The following ALAD variants were observed in gnomAD, a reference collection of about 807,000 sequenced individuals.
ALAD encodes the protein delta-aminolevulinic acid dehydratase.
ALAD carries 20 observed loss-of-function variants against 44.4 expected under a neutral mutation model. The ratio of observed to expected loss-of-function variants is 0.45; its 90% CI spans 0.32 to 0.65. ALAD has a LOEUF of 0.65. Among genes scored for constraint, ALAD ranks in the 30% least tolerant of loss-of-function variants. The pLI is 0.05. For synonymous variants in ALAD, 156 were observed against 167.9 expected (o/e 0.93, Z 0.55); for missense variants, 323 against 445.7 (o/e 0.72, Z 2.48).
intron 1 of ALAD, among the ~76,000 whole-genome samples, chr9:113,399,746 T>C (rs773430537): frequency 1.3e-5 from 2 of 152,128 alleles, no homozygotes; most frequent in Non-Finnish European, 2.9e-5. Context: ...CAAGTTGTAC[T>C]ATGCTGAGGA....
At chr9:113,400,548 C>T (rs532066265) in intron 1 of ALAD, among the ~76,000 whole-genome samples, 2 of 152,268 alleles carry the variant, frequency 1.3e-5, no homozygotes, top group East Asian at 1.9e-4. Context: ...TCAGGCCGGG[C>T]GTGGTGGCTC....
Position 113,391,571 on chromosome 9 carries a change from G to T in ALAD, c.217C>A (p.Leu73Ile). 6.2e-7 allele frequency: 1 copy of T among 1,614,144 alleles called. No individual in the cohort carries two copies. ...EMLRPLVEEG[L>I]RCVLIFGVPS... The stretch of plus-strand genomic sequence containing the variant: ...ACGCCAAAGATCAAGACACAGCGTA[G>T]GCCCTCTTCCACCAAGGGCCTCAGC... Residue 73 changes from leucine (L) to isoleucine (I), a missense_variant, in exon 4 of 12, where the codon CTA becomes ATA. Leu to Ile is a conservative substitution (Grantham distance 5). Transcript: ENST00000409155.
chr9:113,398,230 T>C (rs1041621442), intron 1 of ALAD: 1 of 152,222 alleles, frequency 6.6e-6, no homozygotes, highest in Non-Finnish European at 1.5e-5. Flanking sequence ...ATTGCAAGAA[T>C]TGTCCTAACT....
At chr9:113,397,226 A>G (rs1384207711) in intron 1 of ALAD, 1 of 152,396 alleles carries the variant, frequency 6.6e-6, no homozygotes, top group Middle Eastern at 3.4e-3. Flanking sequence ...CCAAAGCTGC[A>G]TTCCCGTGGC....
rs1053480026 is a variant in ALAD at position 113,388,087 on chromosome 9, G to A, written c.*213C>T. ...CTCACGGCTGACCCAGGGGAGGGGCGGGGAAGCTTGGGAGAGCTCATAGGA... is the reference window on the plus strand; with the variant it reads ...CTCACGGCTGACCCAGGGGAGGGGCAGGGAAGCTTGGGAGAGCTCATAGGA... On this transcript the variant is annotated 3_prime_UTR_variant, in exon 12 of 12. Coordinates refer to ENST00000409155, the MANE Select transcript of ALAD (RefSeq NM_000031.6). 3.3e-5 allele frequency: 20 copies of A among 614,892 alleles called. No homozygotes were observed. Among genetic ancestry groups the A allele is most frequent in the African/African-American group, 1.1e-4 (6 of 55,164 alleles). 38.1% of individuals were successfully genotyped at this position (614,892 alleles called of 1,614,324 possible). A position where few individuals can be genotyped will look rare whatever the true frequency, so the allele number is the denominator to read the frequency against.
intron 1 of ALAD, among the ~76,000 whole-genome samples, chr9:113,395,220 C>A (rs1827695426): frequency 6.6e-6 from 1 of 152,166 alleles, no homozygotes; most frequent in African/African-American, 2.4e-5. Context: ...CAAGGAGTTT[C>A]CTGGGCTCCA....
chr9:113,389,607 G>A lies in ALAD; in HGVS notation c.706C>T (p.Arg236Ter), dbSNP rs763700966. 6 of 1,614,188 alleles carry A rather than the reference G, an allele frequency of 3.7e-6. No individual in the cohort carries two copies. The highest frequency in any genetic ancestry group is 1.3e-5 in the African/African-American group (1 of 75,064). Reference sequence around the variant, plus strand: ...AAGTCCTAGTCACTCACCACAGCTCGGAGAGCCAGGCCTCGTGCTCCAGGG... The same window carrying A: ...AAGTCCTAGTCACTCACCACAGCTCAGAGAGCCAGGCCTCGTGCTCCAGGG... The part of the protein sequence containing the change: ...LPPGARGLAL[R>*]AVDRDVREGA... Residue 236 changes from arginine (R) to a stop codon, truncating the protein, a stop_gained, in exon 9 of 12, where the codon CGA becomes TGA. Coordinates refer to ENST00000409155, the MANE Select transcript of ALAD (RefSeq NM_000031.6). LOFTEE classifies it high-confidence loss of function.
At position 113,387,534 on chromosome 9, in the gene ALAD, A is replaced by G. The variant is rs1827430570; in HGVS notation, c.*766T>C. 1 of 152,116 alleles carries G rather than the reference A, an allele frequency of 6.6e-6. No homozygotes were observed. Among genetic ancestry groups the G allele is most frequent in the African/African-American group, 2.4e-5 (1 of 41,404 alleles). The allele number at this position is 152,116 out of a possible 1,614,324, so 9.4% of individuals were successfully genotyped here. ...CTGTCTCCCCAATTCTCTTTGTATA[A>G]TTTCTATGAAGAGATAAGCTGAGGT... On this transcript the variant is annotated 3_prime_UTR_variant, in exon 12 of 12. Transcript: ENST00000409155.
intron 2 of ALAD, among the ~76,000 whole-genome samples, chr9:113,392,815 C>CTTTTTTT (rs34148636): frequency 2.7e-5 from 3 of 113,086 alleles, no homozygotes; most frequent in Non-Finnish European, 3.5e-5. Context: ...ATTGCCATCT[C>CTTTTTTT]TTTTTTTTTT....
intron 11 of ALAD, 27 bp from the exon 12 acceptor site, chr9:113,388,388 GC>G: frequency 1.2e-6 from 2 of 1,610,852 alleles, no homozygotes; most frequent in Non-Finnish European, 1.7e-6. Flanking sequence ...GCAGAAAGTT[GC>G]TGGGGGGACG....
chr9:113,388,328 T>C lies in ALAD; in HGVS notation c.965A>G (p.Gln322Arg). 6.2e-7 allele frequency: 1 copy of C among 1,614,140 alleles called. No individual in the cohort carries two copies. Among genetic ancestry groups the C allele is most frequent in the African/African-American group, 1.3e-5 (1 of 75,050 alleles). Residue 322 changes from glutamine to arginine, a missense_variant, in exon 12 of 12, where the codon CAG (glutamine) becomes CGG (arginine). Gln to Arg is a conservative substitution (Grantham distance 43). Transcript: ENST00000409155. ...TTCCTCCTTCAGCCACTGCAGCAGC[T>C]GCGGTGTGTAGTAGGTGATGATGAT... ...ADIIITYYTP[Q>R]LLQWLKEE
intron 11 of ALAD, among the ~76,000 whole-genome samples, chr9:113,388,650 T>A (rs891965235): frequency 1.3e-5 from 2 of 152,290 alleles, no homozygotes; most frequent in East Asian, 3.9e-4. Context: ...GAGTCCCCTT[T>A]ATGGAGTGAT....
chr9:113,391,145 TG>T (rs1234435904), intron 4 of ALAD, among the ~76,000 whole-genome samples: 1 of 152,234 alleles, frequency 6.6e-6, no homozygotes, highest in Admixed American at 6.5e-5. Context: ...CAGCACAATG[TG>T]GGAGTGAGGG....
intron 2 of ALAD, chr9:113,392,622 A>G (rs1001269496): frequency 5.5e-6 from 1 of 181,520 alleles, no homozygotes; most frequent in African/African-American, 2.4e-5. Flanking sequence ...CCCTGATGAT[A>G]CAACAGTGAA....
Position 113,388,171 on chromosome 9 carries a change from C to T in ALAD, c.*129G>A, listed in dbSNP as rs1443771159. 7 of 1,006,574 alleles carry T rather than the reference C, an allele frequency of 7.0e-6. No homozygotes were observed. The highest frequency in any genetic ancestry group is 4.8e-5 in the African/African-American group (3 of 62,816). The allele number at this position is 1,006,574 out of a possible 1,614,324, so 62.4% of individuals were successfully genotyped here. A position where few individuals can be genotyped will look rare whatever the true frequency, so the allele number is the denominator to read the frequency against. The stretch of plus-strand genomic sequence containing the variant: ...CAAAACCACCCAGGGCTGCTGGGCC[C>T]CGCTAGCATGTGAGCAGGAAGAGGG... On this transcript the variant is annotated 3_prime_UTR_variant, in exon 12 of 12. Coordinates refer to ENST00000409155, the MANE Select transcript of ALAD (RefSeq NM_000031.6).
chr9:113,393,386 C>T (rs985385444), intron 2 of ALAD, 61 bp downstream of exon 2: 94 of 1,457,950 alleles, frequency 6.4e-5, no homozygotes, highest in Non-Finnish European at 8.1e-5. Flanking sequence ...AGTCAACACT[C>T]CCTCCCCAAC....
At position 113,387,875 on chromosome 9, in the gene ALAD, C is replaced by T. The variant is rs1827444464; in HGVS notation, c.*425G>A. The T allele has an allele frequency of 3.5e-6, 1 of 287,436 alleles. No individual in the cohort carries two copies. Among genetic ancestry groups the T allele is most frequent in the Non-Finnish European group, 6.9e-6 (1 of 143,948 alleles). 17.8% of individuals were successfully genotyped at this position (287,436 alleles called of 1,614,324 possible). A position where few individuals can be genotyped will look rare whatever the true frequency, so the allele number is the denominator to read the frequency against. ...AGGGATATCGATCTAGGCCTCATTC[C>T]CACACCCAGCTCTGCTGCCAGAAGC... is the stretch of plus-strand genomic sequence containing the variant. On this transcript the variant is annotated 3_prime_UTR_variant, in exon 12 of 12. Transcript: ENST00000409155.
intron 1 of ALAD, among the ~76,000 whole-genome samples, chr9:113,400,797 G>A (rs1827833364): frequency 6.6e-6 from 1 of 152,108 alleles, no homozygotes; most frequent in Admixed American, 6.6e-5. Context: ...ACTCCAGCCT[G>A]GGCAACAAGA....
intron 1 of ALAD, among the ~76,000 whole-genome samples, chr9:113,397,616 TTTTC>T (rs1321138424): frequency 1.4e-5 from 2 of 142,424 alleles, no homozygotes; most frequent in East Asian, 2.0e-4. Flanking sequence ...TTTTTTTTCC[TTTTC>T]TTTTTTTTTT....
Sources: allele counts gnomAD v4.1 joint callset (sites outside exome capture counted in the v4.1 genomes callset), GRCh38; gene constraint gnomAD v4.1.1; transcripts MANE v1.5; gene names NCBI Gene and HGNC (gene_info 2026-07-23, HGNC 2026-07-21).